NEK10: variants seen among roughly 807,000 people sequenced by gnomAD.
NEK10 encodes the protein serine/threonine-protein kinase Nek10.
NEK10 carries 122 observed loss-of-function variants against 159.8 expected under a neutral mutation model. The ratio of observed to expected loss-of-function variants is 0.76; its 90% CI spans 0.66 to 0.89. NEK10 has a LOEUF of 0.89. Among genes scored for constraint, NEK10 ranks in the 40% least tolerant of loss-of-function variants. NEK10 has a pLI of 0.00. For missense variants in NEK10, 1,342 were observed against 1,323.1 expected (o/e 1.01, Z -0.22); for synonymous variants, 466 against 457.1 (o/e 1.02, Z -0.25).
At chr3:27,280,096 A>G (rs35455306) in intron 22 of NEK10, among the ~76,000 whole-genome samples, 2 of 85,992 alleles carry the variant, frequency 2.3e-5, no homozygotes, top group East Asian at 2.7e-4. Flanking sequence ...CCTAAAATGG[A>G]AAAAAAAAAA....
chr3:27,197,765 T>C (rs1000486411), intron 25 of NEK10, among the ~76,000 whole-genome samples: 2 of 151,882 alleles, frequency 1.3e-5, no homozygotes, highest in Non-Finnish European at 2.9e-5. Context: ...TTTCTTTCCC[T>C]TGCCTGACTG....
chr3:27,304,964 C>A lies in NEK10; in HGVS notation c.811G>T (p.Ala271Ser). ...EYDLLSKRLT[A>S]ELLRLLCAEP... The stretch of plus-strand genomic sequence containing the variant: ...GCACAAAGTAGGCGCAGCAACTCCG[C>A]TGTTAGTCTGAAAGGGGTACAGAGG... Residue 271 changes from alanine (A) to serine (S), a missense_variant, in exon 12 of 36, where the codon GCG becomes TCG. Physicochemically the swap from Ala to Ser is moderately conservative, Grantham distance 99. Coordinates refer to ENST00000691995, the MANE Select transcript of NEK10 (RefSeq NM_001394966.1). 1 of 1,608,842 alleles carries A rather than the reference C, an allele frequency of 6.2e-7. No individual in the cohort carries two copies. The highest frequency in any genetic ancestry group is 1.1e-5 in the South Asian group (1 of 90,766).
At chr3:27,350,909 C>T (rs2047924521) in intron 3 of NEK10, among the ~76,000 whole-genome samples, 1 of 151,878 alleles carries the variant, frequency 6.6e-6, no homozygotes, top group Non-Finnish European at 1.5e-5. Context: ...ATGTGGTGAC[C>T]CATTTCTCAA....
intron 23 of NEK10, among the ~76,000 whole-genome samples, chr3:27,238,944 C>T (rs934794712): frequency 2.0e-5 from 3 of 151,972 alleles, no homozygotes; most frequent in African/African-American, 7.3e-5. Context: ...TGGTTATACC[C>T]TCTATAAATG....
At chr3:27,231,685 TA>T (rs1376045509) in intron 23 of NEK10, among the ~76,000 whole-genome samples, 2 of 151,034 alleles carry the variant, frequency 1.3e-5, no homozygotes, top group Non-Finnish European at 3.0e-5. Flanking sequence ...ACCACAGAAA[TA>T]AAAAAGATCA....
intron 28 of NEK10, among the ~76,000 whole-genome samples, chr3:27,173,653 T>TGA (rs1469218612): frequency 6.6e-6 from 1 of 152,232 alleles, no homozygotes; most frequent in Non-Finnish European, 1.5e-5. Flanking sequence ...TGTTCTTTTA[T>TGA]GAGATTTTCA....
intron 23 of NEK10, among the ~76,000 whole-genome samples, chr3:27,223,044 T>A (rs771100050): frequency 6.6e-6 from 1 of 152,162 alleles, no homozygotes; most frequent in African/African-American, 2.4e-5. Context: ...TTAATAGAAC[T>A]TTTTAGAGCT....
chr3:27,152,411 A>C (rs567008637), intron 30 of NEK10, among the ~76,000 whole-genome samples: 1 of 152,280 alleles, frequency 6.6e-6, no homozygotes, highest in South Asian at 2.1e-4. Flanking sequence ...TATATGAAGG[A>C]AAGATACAAT....
intron 12 of NEK10, among the ~76,000 whole-genome samples, chr3:27,302,054 T>G (rs2043867493): frequency 6.6e-6 from 1 of 152,208 alleles, no homozygotes; most frequent in African/African-American, 2.4e-5. Flanking sequence ...AAAAGTGTCC[T>G]CTCCCCACTG....
At chr3:27,248,662 T>C (rs1955343579) in intron 23 of NEK10, among the ~76,000 whole-genome samples, 1 of 152,248 alleles carries the variant, frequency 6.6e-6, no homozygotes, top group Non-Finnish European at 1.5e-5. Flanking sequence ...TTGTAGAGTA[T>C]CCAATATTCC....
chr3:27,331,262 A>AAAAAAAAAAAACACAC, intron 5 of NEK10, among the ~76,000 whole-genome samples: 3 of 110,082 alleles, frequency 2.7e-5, no homozygotes, highest in African/African-American at 8.7e-5. Flanking sequence ...AAAAAAAAAA[A>AAAAAAAAAAAACACAC]ACACACAAAC....
chr3:27,140,930 A>G (rs1943730960), intron 31 of NEK10, among the ~76,000 whole-genome samples: 1 of 152,228 alleles, frequency 6.6e-6, no homozygotes, highest in Admixed American at 6.5e-5. Context: ...TTAACCATAT[A>G]TAACAGAGCC....
chr3:27,143,938 G>A (rs1047097597), intron 30 of NEK10, among the ~76,000 whole-genome samples: 11 of 152,228 alleles, frequency 7.2e-5, no homozygotes, highest in South Asian at 2.1e-4. Flanking sequence ...CAAATGAATC[G>A]GAACTAGATT....
At chr3:27,178,995 C>T (rs574058257) in intron 26 of NEK10, among the ~76,000 whole-genome samples, 15 of 152,230 alleles carry the variant, frequency 9.9e-5, no homozygotes, top group African/African-American at 2.6e-4. Context: ...CTTGAACCTC[C>T]GGGTTTAAGG....
intron 29 of NEK10, among the ~76,000 whole-genome samples, chr3:27,169,886 G>GCT (rs148153773): frequency 1.3e-5 from 2 of 152,010 alleles, no homozygotes; most frequent in East Asian, 1.9e-4. Context: ...GGCCAATCTG[G>GCT]CTCTCTCTCT....
chr3:27,145,476 G>A (rs977370310), intron 30 of NEK10, among the ~76,000 whole-genome samples: 3 of 152,066 alleles, frequency 2.0e-5, no homozygotes, highest in Admixed American at 1.3e-4. Context: ...ACTTAAAAGC[G>A]TCAAAAAGTC....
intron 26 of NEK10, among the ~76,000 whole-genome samples, chr3:27,183,838 T>C (rs1237180761): frequency 6.6e-6 from 1 of 152,114 alleles, no homozygotes; most frequent in Non-Finnish European, 1.5e-5. Flanking sequence ...CAAACATAAA[T>C]GTGCTCAACC....
intron 5 of NEK10, among the ~76,000 whole-genome samples, chr3:27,331,449 T>C (rs2046417111): frequency 6.6e-6 from 1 of 152,230 alleles, no homozygotes; most frequent in African/African-American, 2.4e-5. Flanking sequence ...CTGTACTGGC[T>C]GAAGAGATAA....
In NEK10 at chr3:27,132,006, A is replaced by G. The variant is rs1330550748; in HGVS notation, c.2971-16T>C. 1 of 1,447,224 alleles carries G rather than the reference A, an allele frequency of 6.9e-7. No homozygotes were observed. The highest frequency in any genetic ancestry group is 2.3e-5 in the East Asian group (1 of 43,996). The allele number at this position is 1,447,224 out of a possible 1,614,324, so 89.6% of individuals were successfully genotyped here. A position where few individuals can be genotyped will look rare whatever the true frequency, so the allele number is the denominator to read the frequency against. On this transcript the variant is annotated splice_polypyrimidine_tract_variant and intron_variant, in intron 31 of 35. Transcript: ENST00000691995. Reference sequence around the variant, plus strand: ...CTGGAGGAAGCTGCATAAAATAAGAAAACAATCATTATAAACAAATTGTTA... The same window carrying G: ...CTGGAGGAAGCTGCATAAAATAAGAGAACAATCATTATAAACAAATTGTTA...
Sources: gnomAD v4.1 joint callset for allele counts (sites outside exome capture counted in the v4.1 genomes callset) on GRCh38, gnomAD v4.1.1 for gene constraint, MANE v1.5 for transcripts, NCBI Gene and HGNC (gene_info 2026-07-23, HGNC 2026-07-21) for gene names.